Variants in PHACTR2 observed in about 807,000 individuals in gnomAD.
The protein encoded by PHACTR2 is phosphatase and actin regulator 2, also known as chromosome 6 open reading frame 56.
Under a neutral mutation model 76.0 loss-of-function variants are expected in PHACTR2, and 30 were observed. The ratio of observed to expected loss-of-function variants is 0.39; its 90% confidence interval spans 0.30 to 0.54. The LOEUF is 0.54. PHACTR2 is among the 20% of genes least tolerant of loss of function. PHACTR2 has a pLI of 0.61. For synonymous variants in PHACTR2, 292 were observed against 292.5 expected (o/e 1.00, Z 0.02); for missense variants, 696 against 781.1 (o/e 0.89, Z 1.30).
At chr6:143,605,906 T>C (rs771710709), upstream of PHACTR2, among the ~76,000 whole-genome samples, 51 of 152,196 alleles carry the variant, frequency 3.4e-4, no homozygotes, top group Non-Finnish European at 5.4e-4. This position sits in a 1 kb window ranked among gnomAD's most constrained non-coding sequence, Gnocchi z 5.0. Context: ...GACATATGTG[T>C]ACAATGTGGG....
rs1012861587 is a variant in PHACTR2 at position 143,598,233 on chromosome 6, G to A, written c.217+61026G>A. Among the ~76,000 whole-genome samples the A allele has an allele frequency of 6.6e-6, 1 of 152,158 alleles. No homozygotes were observed. The highest frequency in any genetic ancestry group is 2.4e-5 in the African/African-American group (1 of 41,434). On this transcript the variant is annotated intron_variant, in intron 1 of 11. Transcript: ENST00000367584. The surrounding 1 kb of genome is among the most constrained non-coding windows in gnomAD (Gnocchi z 4.1). Reference sequence around the variant, plus strand: ...CGAAATGATCCTACATTATTTGGCTGGGCTCAGTGTAATCACAGGATTCCT... The same window carrying A: ...CGAAATGATCCTACATTATTTGGCTAGGCTCAGTGTAATCACAGGATTCCT...
chr6:143,709,075 C>T lies in PHACTR2; in HGVS notation c.47-2941C>T, dbSNP rs1385039768. Among the ~76,000 whole-genome samples, 1 of 152,206 alleles carries T rather than the reference C, an allele frequency of 6.6e-6. No individual in the cohort carries two copies. The highest frequency in any genetic ancestry group is 2.4e-5 in the African/African-American group (1 of 41,448). Reference sequence around the variant, plus strand: ...CTTCATGAAGAAGTAAAACCATACTCTCAGTTCCCCCTGGGTTTGCCCTCT... The same window carrying T: ...CTTCATGAAGAAGTAAAACCATACTTTCAGTTCCCCCTGGGTTTGCCCTCT... On this transcript the variant is annotated intron_variant, in intron 1 of 12. Transcript: ENST00000440869. This position sits in a 1 kb window ranked among gnomAD's most constrained non-coding sequence, Gnocchi z 4.4.
chr6:143,808,462 C>A (rs1437518297), intron 12 of PHACTR2, among the ~76,000 whole-genome samples: 1 of 152,034 alleles, frequency 6.6e-6, no homozygotes, highest in Non-Finnish European at 1.5e-5. Context: ...TAAAATAACA[C>A]CACAACAATA....
chr6:143,666,471 T>C (rs1777038716), intron 1 of PHACTR2, among the ~76,000 whole-genome samples: 1 of 152,242 alleles, frequency 6.6e-6, no homozygotes, highest in Non-Finnish European at 1.5e-5. Flanking sequence ...CCACAATGTT[T>C]GAACTAATTT....
Position 143,753,732 on chromosome 6 carries a change from A to G in PHACTR2, c.296-22A>G. 1.9e-6 allele frequency: 3 copies of G among 1,556,620 alleles called. No homozygotes were observed. Among genetic ancestry groups the G allele is most frequent in the Non-Finnish European group, 2.6e-6 (3 of 1,151,150 alleles). On this transcript the variant is annotated intron_variant, in intron 3 of 12. Coordinates refer to ENST00000440869, the MANE Select transcript of PHACTR2 (RefSeq NM_001100164.2). This position sits in a 1 kb window ranked among gnomAD's most constrained non-coding sequence, Gnocchi z 4.6. The stretch of plus-strand genomic sequence containing the variant: ...AAGAAAGCCAGCAAGTTAGACATCT[A>G]GGTGTTTCTTTCCCATTTTAGATGG...
rs1776354386 is a variant in PHACTR2, at chr6:143,818,741, C to T, written c.1923-4933C>T. Among the ~76,000 whole-genome samples the T allele has an allele frequency of 6.6e-6, 1 of 152,196 alleles. No individual in the cohort carries two copies. The highest frequency in any genetic ancestry group is 2.4e-5 in the African/African-American group (1 of 41,508). Reference sequence around the variant, plus strand: ...CAGATCTCGTGAGTACTCACTGTCACGAGAACAGCATGGGGGAAACCACTC... The same window carrying T: ...CAGATCTCGTGAGTACTCACTGTCATGAGAACAGCATGGGGGAAACCACTC... On this transcript the variant is annotated intron_variant, in intron 12 of 12. Transcript: ENST00000440869. The surrounding 1 kb of genome is among the most constrained non-coding windows in gnomAD (Gnocchi z 4.9).
chr6:143,717,058 T>C (rs538824291), intron 2 of PHACTR2, among the ~76,000 whole-genome samples: 23 of 152,350 alleles, frequency 1.5e-4, no homozygotes, highest in African/African-American at 4.3e-4. Context: ...CCCAGACTCC[T>C]CAGCTCTTCT....
chr6:143,564,419 C>T (rs552356864), intron 1 of PHACTR2, among the ~76,000 whole-genome samples: 1 of 151,884 alleles, frequency 6.6e-6, no homozygotes, highest in East Asian at 1.9e-4. Flanking sequence ...ACAGTTATAA[C>T]ATGATTAGTC....
chr6:143,671,079 G>A lies in PHACTR2; in HGVS notation c.14-40937G>A, dbSNP rs1007655054. Among the ~76,000 whole-genome samples, 7 of 151,988 alleles carry A rather than the reference G, an allele frequency of 4.6e-5. No individual in the cohort carries two copies. The highest frequency in any genetic ancestry group is 1.9e-4 in the East Asian group (1 of 5,162). ...CGAGTAGCTGGGATTACAGGAATGC[G>A]CCACCATGCCCAGCTAATTTTTGTA... On this transcript the variant is annotated intron_variant, in intron 1 of 11. Coordinates refer to the PHACTR2 transcript ENST00000305766. This position sits in a 1 kb window ranked among gnomAD's most constrained non-coding sequence, Gnocchi z 4.6.
At chr6:143,745,266 C>A (rs1353704372) in intron 2 of PHACTR2, among the ~76,000 whole-genome samples, 3 of 152,160 alleles carry the variant, frequency 2.0e-5, no homozygotes, top group Non-Finnish European at 4.4e-5. Context: ...CGACTGCTGC[C>A]GTTTTCTGCT....
rs79149754 is a variant in PHACTR2 at position 143,636,465 on chromosome 6, C to T, written c.13+28143C>T. ...ACACGTTGAGACCTATTTCTGAATG[C>T]TTTATATCAGTGTTTTTCAAAGAGT... is the stretch of plus-strand genomic sequence containing the variant. On this transcript the variant is annotated intron_variant, in intron 1 of 11. Coordinates refer to the PHACTR2 transcript ENST00000305766. Among the ~76,000 whole-genome samples, 990 of 152,182 alleles carry T rather than the reference C, an allele frequency of 6.5e-3. 24 individuals carry two copies. In the East Asian group the frequency reaches 0.09, roughly 14 times the overall value.
chr6:143,634,415 T>A (rs551504681), intron 1 of PHACTR2, among the ~76,000 whole-genome samples: 29 of 152,334 alleles, frequency 1.9e-4, no homozygotes, highest in Non-Finnish European at 2.6e-4. Context: ...AACTTAATTT[T>A]AAAAATTTTG....
At position 143,795,101 on chromosome 6, in the gene PHACTR2, G is replaced by A. The variant is rs929462298; in HGVS notation, c.1845+6191G>A. ...CCTTATTAATTGTGAACTTGATTGA[G>A]CTTTATTCACCTTTAAAATAAAATT... On this transcript the variant is annotated intron_variant, in intron 11 of 12. Coordinates refer to ENST00000440869, the MANE Select transcript of PHACTR2 (RefSeq NM_001100164.2). The surrounding 1 kb of genome is among the most constrained non-coding windows in gnomAD (Gnocchi z 4.8). Among the ~76,000 whole-genome samples the A allele has an allele frequency of 2.6e-5, 4 of 152,094 alleles. No individual in the cohort carries two copies. Among genetic ancestry groups the A allele is most frequent in the African/African-American group, 7.2e-5 (3 of 41,434 alleles).
At chr6:143,563,346 C>T (rs965790459) in intron 1 of PHACTR2, among the ~76,000 whole-genome samples, 13 of 151,978 alleles carry the variant, frequency 8.6e-5, no homozygotes, top group African/African-American at 2.9e-4. Flanking sequence ...GGGTGGATCA[C>T]GAGGTCAGCA....
chr6:143,699,592 A>C (rs1777853052), intron 1 of PHACTR2, among the ~76,000 whole-genome samples: 1 of 152,072 alleles, frequency 6.6e-6, no homozygotes. Context: ...TGTCCGTTGG[A>C]CATCTTCCCT....
chr6:143,604,787 G>A (rs907273203), upstream of PHACTR2, among the ~76,000 whole-genome samples: 3 of 151,618 alleles, frequency 2.0e-5, no homozygotes, highest in East Asian at 1.9e-4. Flanking sequence ...AGCTACTCGC[G>A]AGGCTGAGGC....
At chr6:143,728,073 C>T (rs998827240) in intron 2 of PHACTR2, among the ~76,000 whole-genome samples, 1 of 152,040 alleles carries the variant, frequency 6.6e-6, no homozygotes, top group African/African-American at 2.4e-5. Context: ...TATCTAGAAA[C>T]TCTTAGATCT....
chr6:143,712,840 A>C (rs1778210053), intron 2 of PHACTR2, among the ~76,000 whole-genome samples: 1 of 152,176 alleles, frequency 6.6e-6, no homozygotes, highest in South Asian at 2.1e-4. Context: ...TTGTTAATTT[A>C]GTTTGTAGAT....
Position 143,696,059 on chromosome 6 carries a change from G to A in PHACTR2, c.47-15957G>A, listed in dbSNP as rs1164093397. 2.0e-5 allele frequency among the ~76,000 whole-genome samples: 3 copies of A among 152,138 alleles called. No homozygotes were observed. Among genetic ancestry groups the A allele is most frequent in the East Asian group, 3.9e-4 (2 of 5,194 alleles). On this transcript the variant is annotated intron_variant, in intron 1 of 12. Coordinates refer to ENST00000440869, the MANE Select transcript of PHACTR2 (RefSeq NM_001100164.2). The surrounding 1 kb of genome is among the most constrained non-coding windows in gnomAD (Gnocchi z 4.1). ...TTAAAATTTTTTATTTTTTGCAGGTGCAAGCATAAAAATAAAAAATTCGCA... is the reference window on the plus strand; with the variant it reads ...TTAAAATTTTTTATTTTTTGCAGGTACAAGCATAAAAATAAAAAATTCGCA...
Sources: allele counts gnomAD v4.1 joint callset (sites outside exome capture counted in the v4.1 genomes callset), GRCh38; gene constraint gnomAD v4.1.1; non-coding constraint Gnocchi (gnomAD v3.1); transcripts MANE v1.5; gene names NCBI Gene and HGNC (gene_info 2026-07-23, HGNC 2026-07-21).